TTN: variants seen among roughly 807,000 people sequenced by gnomAD.
The protein encoded by TTN is connectin.
In TTN, 1,525 loss-of-function variants were observed where a neutral mutation model predicts 3,223.0. That is an observed-to-expected ratio of 0.47 (90% CI 0.45 to 0.49). TTN has a LOEUF of 0.49. Ranked by LOEUF, TTN falls within the 20% of genes least tolerant of loss-of-function variation. TTN has a pLI of 0.00. For missense variants in TTN, 40,786 were observed against 43,424.0 expected (o/e 0.94, Z 5.40); for synonymous variants, 14,094 against 15,161.0 (o/e 0.93, Z 5.17).
At chr2:178,638,289 A>C (rs2060757525) in intron 223 of TTN, among the ~76,000 whole-genome samples, 1 of 151,102 alleles carries the variant, frequency 6.6e-6, no homozygotes, top group Non-Finnish European at 1.5e-5. Flanking sequence ...ATATTTTGAG[A>C]TAATTTTAAA....
intron 330 of TTN, 166 bp downstream of exon 330, chr2:178,556,682 G>C (rs1701646773): frequency 4.1e-6 from 3 of 736,382 alleles, no homozygotes; most frequent in South Asian, 3.8e-5. Flanking sequence ...GGGCTGGAAA[G>C]GTATTTAAGG....
At chr2:178,714,921 G>A (rs2077240134) in intron 90 of TTN, 65 bp downstream of exon 90, 21 of 1,538,092 alleles carry the variant, frequency 1.4e-5, no homozygotes, top group Non-Finnish European at 1.8e-5. Context: ...CTGGGGTGGA[G>A]GGGGCAACAG....
chr2:178,755,898 C>G (rs1020589327), intron 46 of TTN, among the ~76,000 whole-genome samples: 3 of 152,180 alleles, frequency 2.0e-5, no homozygotes, highest in Non-Finnish European at 4.4e-5. Flanking sequence ...CCAATAAGTA[C>G]TTCTCAGAAT....
intron 243 of TTN, 113 bp from the exon 244 acceptor site, chr2:178,622,121 T>G (rs1481549752): frequency 2.0e-6 from 2 of 1,016,472 alleles, no homozygotes; most frequent in East Asian, 5.2e-5. Flanking sequence ...GACTTCATAG[T>G]GTGAAGAAGA....
Position 178,750,409 on chromosome 2 carries a change from G to T in TTN, c.11311+2715C>A, listed in dbSNP as rs766455026. 1.9e-6 allele frequency: 3 copies of T among 1,612,322 alleles called. No homozygotes were observed. The East Asian group carries it at 6.7e-5, about 36-fold the overall frequency. On this transcript the variant is annotated intron_variant, in intron 47 of 362. Transcript: ENST00000589042. ...CAGATGAAAGAGTTAATATTGAATA[G>T]TTTTCCAACGAATGAATGATAAAGT... is the stretch of plus-strand genomic sequence containing the variant.
chr2:178,693,960 A>T lies in TTN; in HGVS notation c.31475T>A (p.Phe10492Tyr). The T allele has an allele frequency of 6.2e-7, 1 of 1,613,050 alleles. No individual in the cohort carries two copies. Among genetic ancestry groups the T allele is most frequent in the African/African-American group, 1.3e-5 (1 of 75,016 alleles). The change falls in exon 118 of 363, where the codon TTC (phenylalanine) becomes TAC (tyrosine). Residue 10492 changes from phenylalanine (F) to tyrosine (Y), a missense_variant. By Grantham distance (22) the Phe-to-Tyr change is conservative (BLOSUM62 3). Transcript: ENST00000589042. ...KKMVISEEKMFFASHTEEEVS... is the reference protein window; with the variant it reads ...KKMVISEEKMYFASHTEEEVS... ...CTCCTCCTCTGTGTGAGAAGCAAAG[A>T]ACATCTTTTCTTCTGAAATAACCAT... is the stretch of plus-strand genomic sequence containing the variant.
At chr2:178,527,812 G>A (rs1687100107) in intron 361 of TTN, 64 bp from the exon 362 acceptor site, 10 of 1,445,126 alleles carry the variant, frequency 6.9e-6, no homozygotes, top group Middle Eastern at 2.4e-4. Flanking sequence ...GACATATGAC[G>A]CTGACTTACA....
rs727503598 is a variant in TTN, at chr2:178,601,104, C to T, written c.55800G>A (p.Trp18600Ter). 1 of 1,599,024 alleles carries T rather than the reference C, an allele frequency of 6.3e-7. No individual in the cohort carries two copies. The highest frequency in any genetic ancestry group is 8.5e-7 in the Non-Finnish European group (1 of 1,172,350). ...LITKNTVHLS[W>*]KPPKNDGGSP... is the part of the protein sequence containing the mutation. ...AGCCCCCATCATTCTTCGGGGGTTT[C>T]CATGACAGATGCACTGTGTTCTTTG... Residue 18600 changes from tryptophan (W) to a stop codon, truncating the protein, a stop_gained, in exon 288 of 363, where the codon TGG becomes TGA. Transcript: ENST00000589042. LOFTEE classifies it high-confidence loss of function.
chr2:178,702,332 A>C, intron 107 of TTN, 87 bp from the exon 108 acceptor site: 2 of 1,605,516 alleles, frequency 1.2e-6, no homozygotes, highest in Middle Eastern at 1.7e-4. Flanking sequence ...GTTTATTTAC[A>C]CTTGTCTTTT....
chr2:178,769,003 A>T, intron 37 of TTN, 70 bp from the exon 38 acceptor site: 7 of 1,576,780 alleles, frequency 4.4e-6, no homozygotes, highest in Non-Finnish European at 6.0e-6. Flanking sequence ...TAACAGGTGC[A>T]GAATAAAAAT....
rs762110611 is a variant in TTN, at chr2:178,534,241, A to G, written c.102374T>C (p.Val34125Ala). 3.1e-6 allele frequency: 5 copies of G among 1,613,868 alleles called. No homozygotes were observed. The highest frequency in any genetic ancestry group is 4.2e-6 in the Non-Finnish European group (5 of 1,179,864). ...GAIRSQKGVSVAKVKVASIEI... is the reference protein window; with the variant it reads ...GAIRSQKGVSAAKVKVASIEI... The stretch of plus-strand genomic sequence containing the variant: ...AATGGATGCCACTTTAACTTTAGCA[A>G]CACTCACTCCCTTCTGAGATCGAAT... Residue 34125 changes from valine (V) to alanine (A), a missense_variant, in exon 358 of 363, where the codon GTT (valine) becomes GCT (alanine). Val to Ala is a moderately conservative substitution (Grantham distance 64). Coordinates refer to ENST00000589042, the MANE Select transcript of TTN (RefSeq NM_001267550.2).
Position 178,546,459 on chromosome 2 carries a change from C to T in TTN, c.94872G>A (p.Leu31624=). The T allele has an allele frequency of 1.2e-6, 2 of 1,613,568 alleles. No individual in the cohort carries two copies. Among genetic ancestry groups the T allele is most frequent in the Non-Finnish European group, 8.5e-7 (1 of 1,179,702 alleles). ...GATCAGAACCTGCTCTGATGGTAAC[C>T]AGATCACCGTGTAATCGGGCATCCA... ...AELDARLHGD[L]VTIRAGSDLV... Residue 31624 remains leucine, a synonymous_variant, in exon 342 of 363, where the codon CTG becomes CTA. Coordinates refer to ENST00000589042, the MANE Select transcript of TTN (RefSeq NM_001267550.2).
rs2049444900 is a variant in TTN, at chr2:178,588,159, A to G, written c.63248T>C (p.Leu21083Pro). ...ATCATAGACTGGTTTTCCCCACCCA[A>G]GAGTTATGGAATGTTTGGTTGTATC... is the stretch of plus-strand genomic sequence containing the variant. ...VVDTTKHSIT[L>P]GWGKPVYDGG... The change falls in exon 305 of 363, where the codon CTT (leucine) becomes CCT (proline). Residue 21083 changes from leucine to proline, a missense_variant. Physicochemically the swap from Leu to Pro is moderately conservative, Grantham distance 98. Transcript: ENST00000589042. 6.2e-7 allele frequency: 1 copy of G among 1,608,524 alleles called. No individual in the cohort carries two copies. Among genetic ancestry groups the G allele is most frequent in the South Asian group, 1.1e-5 (1 of 90,686 alleles).
rs1225785252 is a variant in TTN at position 178,783,376 on chromosome 2, AT to A, written c.2842-313del. Among the ~76,000 whole-genome samples, 3 of 152,184 alleles carry A rather than the reference AT, an allele frequency of 2.0e-5. No individual in the cohort carries two copies. In the South Asian group the frequency reaches 6.2e-4, roughly 32 times the overall value. On this transcript the variant is annotated intron_variant, in intron 17 of 362. Transcript: ENST00000589042. ...TGATGTTTATCACCTTATATATTTT[AT>A]TATGCTTGTTTGTGTACATTTTCTC...
Position 178,739,430 on chromosome 2 carries a change from G to A in TTN, c.13803C>T (p.Ile4601=), listed in dbSNP as rs2082097990. ...VKIQEAEGGL[I]KEDGPMIHTP... is the part of the protein sequence containing the mutation. Reference sequence around the variant, plus strand: ...TATGTATCATGGGGCCATCCTCTTTGATTAAGCCACCCTCAGCTTCCTGTA... The same window carrying A: ...TATGTATCATGGGGCCATCCTCTTTAATTAAGCCACCCTCAGCTTCCTGTA... The change falls in exon 48 of 363, where the codon ATC becomes ATT. Residue 4601 remains isoleucine, a synonymous_variant. Coordinates refer to ENST00000589042, the MANE Select transcript of TTN (RefSeq NM_001267550.2). The A allele has an allele frequency of 6.2e-7, 1 of 1,613,638 alleles. No individual in the cohort carries two copies. The highest frequency in any genetic ancestry group is 8.5e-7 in the Non-Finnish European group (1 of 1,179,814).
chr2:178,725,319 T>C, intron 71 of TTN, 49 bp downstream of exon 71: 2 of 1,422,906 alleles, frequency 1.4e-6, no homozygotes, highest in Admixed American at 3.0e-5. Flanking sequence ...CTCTTAGTAA[T>C]TCATTCCAGC....
chr2:178,717,523 C>A lies in TTN; in HGVS notation c.25351G>T (p.Glu8451Ter). 1.3e-6 allele frequency: 2 copies of A among 1,597,156 alleles called. No homozygotes were observed. The highest frequency in any genetic ancestry group is 1.1e-5 in the South Asian group (1 of 88,222). ...GAAGAGGGTACTGTGAGTTACTCAC[C>A]TGAGAGAATGAGCTTGGCACTGGAT... ...ASSSAKLILS[E>*]HEVPPFFDLK... is the part of the protein sequence containing the mutation. Residue 8451 changes from glutamate (E) to a stop codon, truncating the protein, a stop_gained and splice_region_variant, in exon 87 of 363, where the codon GAG becomes TAG. Transcript: ENST00000589042. LOFTEE classifies it high-confidence loss of function.
At chr2:178,684,303 T>C in intron 132 of TTN, 27 bp downstream of exon 132, 2 of 1,608,888 alleles carry the variant, frequency 1.2e-6, no homozygotes, top group South Asian at 1.1e-5. Context: ...AAGTACAATA[T>C]TGTGCATAAT....
In TTN at chr2:178,603,862, G is replaced by A. The variant is rs778472964; in HGVS notation, c.54811+14C>T. On this transcript the variant is annotated intron_variant, in intron 282 of 362. Coordinates refer to ENST00000589042, the MANE Select transcript of TTN (RefSeq NM_001267550.2). ...GCTTTAGAAATTAGTCCCCAGAAAC[G>A]GAAGCATACTTACATATGGGATCTC... 12 of 1,524,828 alleles carry A rather than the reference G, an allele frequency of 7.9e-6. 1 individual carries two copies. The highest frequency in any genetic ancestry group is 1.1e-5 in the Non-Finnish European group (12 of 1,124,756). The allele number at this position is 1,524,828 out of a possible 1,614,324, so 94.5% of individuals were successfully genotyped here.
Sources: allele counts gnomAD v4.1 joint callset (sites outside exome capture counted in the v4.1 genomes callset), GRCh38; gene constraint gnomAD v4.1.1; transcripts MANE v1.5; gene names NCBI Gene and HGNC (gene_info 2026-07-23, HGNC 2026-07-21).